Variants in NPLOC4 observed in about 807,000 individuals in gnomAD.
The protein encoded by NPLOC4 is nuclear protein localization protein 4 homolog.
NPLOC4 carries 18 observed loss-of-function variants against 80.6 expected under a neutral mutation model. The ratio of observed to expected loss-of-function variants is 0.22; its 90% CI spans 0.15 to 0.33. NPLOC4 has a LOEUF of 0.33. NPLOC4 is among the 10% of genes least tolerant of loss of function. The pLI, the probability that NPLOC4 is intolerant of heterozygous loss-of-function variation, is 1.00. For synonymous variants in NPLOC4, 313 were observed against 301.5 expected (o/e 1.04, Z -0.39); for missense variants, 540 against 786.1 (o/e 0.69, Z 3.74).
intron 8 of NPLOC4, among the ~76,000 whole-genome samples, chr17:81,603,865 T>C (rs1345967407): frequency 6.6e-6 from 1 of 152,210 alleles, no homozygotes; most frequent in Non-Finnish European, 1.5e-5. Context: ...CAATAAAATG[T>C]ATGTAAAATA....
At chr17:81,605,481 C>T (rs1308852602) in intron 7 of NPLOC4, among the ~76,000 whole-genome samples, 1 of 151,336 alleles carries the variant, frequency 6.6e-6, no homozygotes, top group Non-Finnish European at 1.5e-5. Flanking sequence ...AACCCTGTCT[C>T]TACTAAAAAT....
At chr17:81,623,075 T>A (rs2035707136) in intron 2 of NPLOC4, among the ~76,000 whole-genome samples, 1 of 151,632 alleles carries the variant, frequency 6.6e-6, no homozygotes, top group South Asian at 2.1e-4. Flanking sequence ...ATGCCTGTAA[T>A]CCCAGCTACC....
chr17:81,594,962 A>AAAC (rs2034859122), intron 11 of NPLOC4, among the ~76,000 whole-genome samples: 1 of 151,920 alleles, frequency 6.6e-6, no homozygotes, highest in Non-Finnish European at 1.5e-5. Context: ...AACAAACAAA[A>AAAC]AAAAAAACAC....
chr17:81,577,275 A>G lies in NPLOC4; in HGVS notation c.1282-5187T>C, dbSNP rs895183600. 4.6e-5 allele frequency among the ~76,000 whole-genome samples: 7 copies of G among 152,024 alleles called. No individual in the cohort carries two copies. The East Asian group carries it at 1.2e-3, about 25-fold the overall frequency. ...TCCTCGCCAGACTGCCTGTCCGCAC[A>G]GCTCTCCAGACAGAGGACCCCAGCA... On this transcript the variant is annotated intron_variant, in intron 12 of 16. Transcript: ENST00000331134. This position sits in a 1 kb window ranked among gnomAD's most constrained non-coding sequence, Gnocchi z 4.3.
intron 6 of NPLOC4, among the ~76,000 whole-genome samples, 158 bp from the exon 7 acceptor site, chr17:81,606,972 A>G (rs974744636): frequency 2.6e-5 from 4 of 152,200 alleles, no homozygotes. Flanking sequence ...TTCTAATGGA[A>G]GCTCTACCTA....
chr17:81,628,020 G>A (rs893213076), intron 2 of NPLOC4, among the ~76,000 whole-genome samples: 1 of 151,830 alleles, frequency 6.6e-6, no homozygotes, highest in Admixed American at 6.6e-5. Flanking sequence ...AGACCATCCT[G>A]GCTAACATGG....
intron 4 of NPLOC4, among the ~76,000 whole-genome samples, chr17:81,612,178 G>A (rs2035359096): frequency 6.6e-6 from 1 of 152,098 alleles, no homozygotes; most frequent in Admixed American, 6.5e-5. Flanking sequence ...ACAATCTGAA[G>A]GAGAGGTATG....
rs952351442 is a variant in NPLOC4, at chr17:81,558,097, C to T, written c.*1162G>A. 5.0e-4 allele frequency: 76 copies of T among 152,612 alleles called. No individual in the cohort carries two copies. Among genetic ancestry groups the T allele is most frequent in the Non-Finnish European group, 8.6e-4 (59 of 68,278 alleles). The allele number at this position is 152,612 out of a possible 1,614,324, so 9.5% of individuals were successfully genotyped here. A position where few individuals can be genotyped will look rare whatever the true frequency, so the allele number is the denominator to read the frequency against. On this transcript the variant is annotated 3_prime_UTR_variant, in exon 17 of 17. Coordinates refer to ENST00000331134, the MANE Select transcript of NPLOC4 (RefSeq NM_017921.4). ...CACTCCCCGGGTAAGAGCCATGCCC[C>T]GGCCTGGCCACGCCACAGAGGAACG...
intron 16 of NPLOC4, chr17:81,561,715 G>A (rs2033855153): frequency 6.6e-6 from 1 of 152,054 alleles, no homozygotes; most frequent in Non-Finnish European, 1.5e-5. Context: ...CCCAGAAGCT[G>A]GGATTATAGG....
chr17:81,568,270 G>A (rs1366213443), intron 14 of NPLOC4, among the ~76,000 whole-genome samples: 2 of 152,064 alleles, frequency 1.3e-5, no homozygotes, highest in African/African-American at 4.8e-5. Context: ...GGAATGTGCA[G>A]GGCAGCCGTG....
intron 6 of NPLOC4, 28 bp downstream of exon 6, chr17:81,608,700 C>T (rs1256816189): frequency 2.0e-6 from 3 of 1,531,254 alleles, no homozygotes; most frequent in Admixed American, 3.9e-5. Flanking sequence ...GGAATTTACG[C>T]ACAACCAGGT....
At chr17:81,595,547 TTTC>T (rs1427648998) in intron 11 of NPLOC4, among the ~76,000 whole-genome samples, 1 of 149,844 alleles carries the variant, frequency 6.7e-6, no homozygotes, top group African/African-American at 2.4e-5. Context: ...TTTTTTTTCT[TTTC>T]TTTTCTTTTT....
In NPLOC4 at chr17:81,622,199, G is replaced by A. The variant is rs1476223710; in HGVS notation, c.176C>T (p.Ser59Phe). ...TAGCAAGTTGAGGGATTTGTTGGAG[G>A]AGGCTGTTATCTCTCCGGTCTTGTT... The part of the protein sequence containing the change: ...NRNKTGEITA[S>F]SNKSLNLLKI... The change falls in exon 3 of 17, where the codon TCC becomes TTC. Residue 59 changes from serine (S) to phenylalanine (F), a missense_variant. This residue lies in a region of NPLOC4 where 62 missense variants were observed against 84.4 expected (regional missense o/e 0.73). Transcript: ENST00000331134. The A allele has an allele frequency of 1.9e-6, 3 of 1,613,666 alleles. No homozygotes were observed. Among genetic ancestry groups the A allele is most frequent in the East Asian group, 2.2e-5 (1 of 44,884 alleles).
chr17:81,565,687 C>T (rs1197705340), intron 15 of NPLOC4, 80 bp from the exon 16 acceptor site: 1 of 1,052,440 alleles, frequency 9.5e-7, no homozygotes, highest in African/African-American at 1.6e-5. Flanking sequence ...TTCTTTCTCC[C>T]CAACATCAAG....
intron 10 of NPLOC4, among the ~76,000 whole-genome samples, chr17:81,596,463 C>T (rs899947187): frequency 1.3e-5 from 2 of 152,084 alleles, no homozygotes; most frequent in African/African-American, 4.8e-5. Context: ...AAAAAATTAT[C>T]TGGGTATGGT....
In NPLOC4 at chr17:81,575,850, A is replaced by G. The variant is rs149441782; in HGVS notation, c.1282-3762T>C. Among the ~76,000 whole-genome samples, 271 of 152,356 alleles carry G rather than the reference A, an allele frequency of 1.8e-3. 2 individuals carry two copies. Among genetic ancestry groups the G allele is most frequent in the African/African-American group, 6.3e-3 (260 of 41,576 alleles). ...CTCTTAAGACTGGGAATATGCTATA[A>G]TAAGTGATTCAGAATCTCTTCTGTC... is the stretch of plus-strand genomic sequence containing the variant. On this transcript the variant is annotated intron_variant, in intron 12 of 16. Transcript: ENST00000331134.
intron 8 of NPLOC4, among the ~76,000 whole-genome samples, chr17:81,602,282 T>A (rs2035077361): frequency 6.6e-6 from 1 of 151,996 alleles, no homozygotes; most frequent in South Asian, 2.1e-4. Flanking sequence ...CACAATGGCT[T>A]ATGCTGGTAA....
intron 3 of NPLOC4, among the ~76,000 whole-genome samples, chr17:81,617,486 C>G (rs571304493): frequency 8.0e-4 from 122 of 152,114 alleles, no homozygotes; most frequent in African/African-American, 2.8e-3. Flanking sequence ...CTAGCCTGAC[C>G]AACACAGAGA....
chr17:81,587,455 A>G (rs59468852), intron 12 of NPLOC4, among the ~76,000 whole-genome samples: 22,397 of 151,254 alleles, frequency 0.15, 1,971 homozygotes, highest in Admixed American at 0.23. Flanking sequence ...AGCTGGAACT[A>G]CAGGCGCCTG....
Sources: gnomAD v4.1 joint callset for allele counts (sites outside exome capture counted in the v4.1 genomes callset) on GRCh38, gnomAD v4.1.1 for gene constraint, gnomAD v4.1.1 regional missense constraint, Gnocchi (gnomAD v3.1) non-coding constraint, MANE v1.5 for transcripts, NCBI Gene and HGNC (gene_info 2026-07-23, HGNC 2026-07-21) for gene names.